The following ARID5B variants were observed in gnomAD, a reference collection of about 807,000 sequenced individuals.
ARID5B encodes AT-rich interactive domain-containing protein 5B.
ARID5B carries 13 observed loss-of-function variants against 97.2 expected under a neutral mutation model. The ratio of observed to expected loss-of-function variants is 0.13; its 90% confidence interval spans 0.09 to 0.21. ARID5B has a LOEUF of 0.21. ARID5B is among the 10% of genes least tolerant of loss of function. ARID5B has a pLI of 1.00. For synonymous variants in ARID5B, 556 were observed against 570.3 expected (o/e 0.97, Z 0.36); for missense variants, 1,210 against 1,465.3 (o/e 0.83, Z 2.84).
chr10:61,948,792 A>T (rs1178254976), intron 3 of ARID5B, among the ~76,000 whole-genome samples: 2 of 152,142 alleles, frequency 1.3e-5, no homozygotes, highest in Non-Finnish European at 2.9e-5. Flanking sequence ...CATGGCCAGA[A>T]CTCTAAGGAG....
chr10:62,059,167 A>C, intron 6 of ARID5B, 76 bp from the exon 7 acceptor site: 1 of 1,247,246 alleles, frequency 8.0e-7, no homozygotes, highest in South Asian at 1.4e-5. Context: ...CGTTGAAAAA[A>C]AAAATGTTTT....
At position 61,998,896 on chromosome 10, in the gene ARID5B, T is replaced by G. The variant is rs544956028; in HGVS notation, c.503-1195T>G. Among the ~76,000 whole-genome samples, 43 of 152,344 alleles carry G rather than the reference T, an allele frequency of 2.8e-4. 1 individual carries two copies. Among genetic ancestry groups the G allele is most frequent in the Admixed American group, 1.4e-3 (21 of 15,300 alleles). Reference sequence around the variant, plus strand: ...TTTAGAACAACAAAGGTTTATTTTCTGCTTATGTTATATGTCTCTTTTGGA... The same window carrying G: ...TTTAGAACAACAAAGGTTTATTTTCGGCTTATGTTATATGTCTCTTTTGGA... On this transcript the variant is annotated intron_variant, in intron 3 of 9. Transcript: ENST00000279873.
intron 2 of ARID5B, among the ~76,000 whole-genome samples, chr10:61,902,721 A>G (rs983661175): frequency 4.0e-5 from 6 of 148,882 alleles, no homozygotes; most frequent in African/African-American, 1.5e-4. Flanking sequence ...GTGTGTGTTC[A>G]TTTGCTCTCC....
chr10:61,990,731 T>G (rs1306638055), intron 3 of ARID5B, among the ~76,000 whole-genome samples: 1 of 152,190 alleles, frequency 6.6e-6, no homozygotes, highest in Non-Finnish European at 1.5e-5. Context: ...TGTTCCCCTC[T>G]TTGTCATTGT....
intron 4 of ARID5B, chr10:62,046,630 T>C (rs1262814217): frequency 6.6e-6 from 1 of 152,208 alleles, no homozygotes; most frequent in Non-Finnish European, 1.5e-5. Flanking sequence ...AGGTGAATAG[T>C]TGTTAATTTC....
chr10:61,939,878 C>G (rs1665931888), intron 2 of ARID5B, among the ~76,000 whole-genome samples: 2 of 152,192 alleles, frequency 1.3e-5, no homozygotes, highest in African/African-American at 4.8e-5. Context: ...AAGTGGTCAG[C>G]TAGGTAGAGT....
intron 4 of ARID5B, among the ~76,000 whole-genome samples, chr10:62,014,192 A>G (rs1839254893): frequency 6.6e-6 from 1 of 152,148 alleles, no homozygotes; most frequent in Non-Finnish European, 1.5e-5. Context: ...TGTTTCCCAT[A>G]ATGGCTGTAC....
At position 62,083,995 on chromosome 10, in the gene ARID5B, G is replaced by A. The variant is rs1375661413; in HGVS notation, c.1200-1707G>A. Among the ~76,000 whole-genome samples the A allele has an allele frequency of 2.6e-5, 4 of 152,194 alleles. No individual in the cohort carries two copies. The East Asian group carries it at 5.8e-4, about 22-fold the overall frequency. ...TACAGTGGGAAGCAGGTATTTGGCA[G>A]CCATATATTATTTTAGTAAGTCTAC... On this transcript the variant is annotated intron_variant, in intron 8 of 9. Transcript: ENST00000279873.
intron 3 of ARID5B, among the ~76,000 whole-genome samples, chr10:61,963,875 C>T (rs539062148): frequency 4.6e-5 from 7 of 152,044 alleles, no homozygotes; most frequent in African/African-American, 1.7e-4. Flanking sequence ...GTACCTACAG[C>T]CTTGGCATCA....
intron 4 of ARID5B, among the ~76,000 whole-genome samples, chr10:62,009,113 T>C (rs1014976069): frequency 6.6e-6 from 1 of 152,240 alleles, no homozygotes; most frequent in African/African-American, 2.4e-5. Flanking sequence ...AAGAGCCAGC[T>C]GTACTGCCTG....
At chr10:62,036,105 G>A (rs1445866761) in intron 4 of ARID5B, among the ~76,000 whole-genome samples, 2 of 152,136 alleles carry the variant, frequency 1.3e-5, no homozygotes, top group South Asian at 2.1e-4. Context: ...GATTACGGGC[G>A]CGAGCCACTG....
chr10:62,000,397 G>A lies in ARID5B; in HGVS notation c.733+76G>A. ...TTGTTTTCAGTTCTTCTGAAGAGCG[G>A]TGATGGGGAACGGGGCTCACTTTCA... On this transcript the variant is annotated intron_variant, in intron 4 of 9. Transcript: ENST00000279873. The surrounding 1 kb of genome is among the most constrained non-coding windows in gnomAD (Gnocchi z 4.4). 2 of 1,355,850 alleles carry A rather than the reference G, an allele frequency of 1.5e-6. No homozygotes were observed. Among genetic ancestry groups the A allele is most frequent in the Non-Finnish European group, 2.0e-6 (2 of 991,432 alleles). 84.0% of individuals were successfully genotyped at this position (1,355,850 alleles called of 1,614,324 possible). A position where few individuals can be genotyped will look rare whatever the true frequency, so the allele number is the denominator to read the frequency against.
At chr10:61,910,205 T>C (rs1483508110) in intron 2 of ARID5B, among the ~76,000 whole-genome samples, 1 of 152,242 alleles carries the variant, frequency 6.6e-6, no homozygotes, top group Non-Finnish European at 1.5e-5. Context: ...ATGTAAATAC[T>C]TCATTATTAA....
intron 3 of ARID5B, among the ~76,000 whole-genome samples, chr10:61,944,884 C>G (rs1314191845): frequency 6.6e-6 from 1 of 152,164 alleles, no homozygotes; most frequent in Non-Finnish European, 1.5e-5. Context: ...GGAGTCTGAG[C>G]TGAAACTGAG....
At position 62,051,009 on chromosome 10, in the gene ARID5B, A is replaced by T; in HGVS notation, c.846+9A>T. 1.3e-6 allele frequency: 2 copies of T among 1,599,984 alleles called. No homozygotes were observed. The highest frequency in any genetic ancestry group is 1.7e-6 in the Non-Finnish European group (2 of 1,167,144). Reference sequence around the variant, plus strand: ...GCAAAGCCGTTGCCAAGGTACGGTCATTCACTCCACGGTATTCATTTCGTT... The same window carrying T: ...GCAAAGCCGTTGCCAAGGTACGGTCTTTCACTCCACGGTATTCATTTCGTT... On this transcript the variant is annotated intron_variant, in intron 5 of 9. Transcript: ENST00000279873.
intron 9 of ARID5B, among the ~76,000 whole-genome samples, chr10:62,089,473 GCCTT>G (rs1260737415): frequency 4.8e-5 from 7 of 144,938 alleles, no homozygotes; most frequent in East Asian, 3.9e-4. Flanking sequence ...CTGCCTGCCT[GCCTT>G]CCTTCCTTCC....
At chr10:61,918,571 C>A (rs1273451674) in intron 2 of ARID5B, among the ~76,000 whole-genome samples, 1 of 152,174 alleles carries the variant, frequency 6.6e-6, no homozygotes, top group Non-Finnish European at 1.5e-5. Flanking sequence ...AAAACAGGAA[C>A]TAAGGAAACT....
At chr10:62,050,564 C>T (rs1839773277) in intron 4 of ARID5B, among the ~76,000 whole-genome samples, 3 of 152,350 alleles carry the variant, frequency 2.0e-5, no homozygotes, top group South Asian at 4.1e-4. Context: ...CTCAGTTTTT[C>T]AGCACCAAAT....
intron 3 of ARID5B, among the ~76,000 whole-genome samples, chr10:61,956,212 C>G (rs531655562): frequency 1.3e-5 from 2 of 152,330 alleles, no homozygotes; most frequent in African/African-American, 4.8e-5. Flanking sequence ...AGCTTCACCT[C>G]CCATCAAATC....
Sources: gnomAD v4.1 joint callset for allele counts (sites outside exome capture counted in the v4.1 genomes callset) on GRCh38, gnomAD v4.1.1 for gene constraint, Gnocchi (gnomAD v3.1) non-coding constraint, MANE v1.5 for transcripts, NCBI Gene and HGNC (gene_info 2026-07-23, HGNC 2026-07-21) for gene names.